The following GLRA2 variants were observed in gnomAD, a reference collection of about 807,000 sequenced individuals.
The protein encoded by GLRA2 is glycine receptor subunit alpha-2.
A neutral mutation model predicts 31.6 loss-of-function variants in GLRA2; 11 were observed. That is an observed-to-expected ratio of 0.35 (90% confidence interval 0.22 to 0.58). GLRA2 has a LOEUF of 0.58. Ranked by LOEUF, GLRA2 falls within the 20% of genes least tolerant of loss-of-function variation. The pLI, the probability that GLRA2 is intolerant of heterozygous loss-of-function variation, is 0.84. For synonymous variants in GLRA2, 132 were observed against 134.0 expected (o/e 0.99, Z 0.10); for missense variants, 212 against 351.8 (o/e 0.60, Z 3.18).
intron 7 of GLRA2, among the ~76,000 whole-genome samples, chrX:14,689,244 A>C (rs999560559): frequency 1.8e-5 from 2 of 112,412 alleles, no homozygotes; most frequent in Admixed American, 9.4e-5. Context: ...ACAAATAATC[A>C]GGGACACAGT....
At chrX:14,687,525 G>C (rs766907146) in intron 7 of GLRA2, among the ~76,000 whole-genome samples, 1 of 110,969 alleles carries the variant, frequency 9.0e-6, no homozygotes, top group Admixed American at 9.6e-5. Flanking sequence ...TTTTCTCTAA[G>C]CTTCTCTTCT....
At chrX:14,669,056 C>T (rs1287188673) in intron 7 of GLRA2, among the ~76,000 whole-genome samples, 1 of 112,255 alleles carries the variant, frequency 8.9e-6, no homozygotes. Context: ...AGGCATTGGG[C>T]AAATACAGCC....
chrX:14,718,643 C>T (rs2091823909), intron 8 of GLRA2, among the ~76,000 whole-genome samples: 2 of 111,951 alleles, frequency 1.8e-5, no homozygotes, highest in South Asian at 7.4e-4. Context: ...TGTTTGTCCA[C>T]ATGTCTGGTG....
the GLRA2 span, among the ~76,000 whole-genome samples, chrX:14,453,881 C>T: frequency 0.05 from 5,611 of 111,596 alleles, 341 homozygotes; most frequent in African/African-American, 0.17. Flanking sequence ...GCAATTGATA[C>T]ACACAACAAC....
the GLRA2 span, among the ~76,000 whole-genome samples, chrX:14,469,436 G>C: frequency 4.6e-5 from 5 of 108,743 alleles, 1 homozygote; most frequent in African/African-American, 1.7e-4. Context: ...CAAAGACTTG[G>C]AACCAACCCA....
chrX:14,544,274 C>T (rs1314570270), intron 2 of GLRA2, among the ~76,000 whole-genome samples: 1 of 111,984 alleles, frequency 8.9e-6, no homozygotes, highest in Non-Finnish European at 1.9e-5. Context: ...TAATCACCTA[C>T]TGTTTTAGTC....
At chrX:14,594,318 CTT>C (rs2090177622) in intron 4 of GLRA2, among the ~76,000 whole-genome samples, 1 of 111,124 alleles carries the variant, frequency 9.0e-6, no homozygotes, top group African/African-American at 3.3e-5. Context: ...TGTACAGTAA[CTT>C]TCTCCCTTTC....
At chrX:14,597,169 A>G (rs2090215679) in intron 4 of GLRA2, among the ~76,000 whole-genome samples, 1 of 111,853 alleles carries the variant, frequency 8.9e-6, no homozygotes, top group Non-Finnish European at 1.9e-5. Flanking sequence ...ATTTCAAGGT[A>G]CAACTGGGAG....
At chrX:14,551,393 C>G (rs1213213725) in intron 2 of GLRA2, among the ~76,000 whole-genome samples, 1 of 111,440 alleles carries the variant, frequency 9.0e-6, no homozygotes, top group African/African-American at 3.3e-5. Flanking sequence ...GATGAATAAT[C>G]AAATGAATGA....
chrX:14,533,176 T>C (rs1227091196), intron 2 of GLRA2, among the ~76,000 whole-genome samples: 1 of 110,738 alleles, frequency 9.0e-6, no homozygotes, highest in African/African-American at 3.3e-5. Context: ...TGATGTTGTC[T>C]TTTTCTTGTA....
chrX:14,700,654 A>G (rs958253175), intron 8 of GLRA2, among the ~76,000 whole-genome samples: 3 of 111,600 alleles, frequency 2.7e-5, no homozygotes, highest in Non-Finnish European at 5.6e-5. Context: ...GGAGGCAGAC[A>G]CAAGATTTTA....
At chrX:14,682,142 A>C (rs903174240) in intron 7 of GLRA2, among the ~76,000 whole-genome samples, 40 of 107,105 alleles carry the variant, frequency 3.7e-4, no homozygotes, top group African/African-American at 1.0e-3. Flanking sequence ...ATGGCCCCTA[A>C]CTCAGATGAG....
intron 4 of GLRA2, among the ~76,000 whole-genome samples, chrX:14,601,012 T>G (rs2090265826): frequency 9.0e-6 from 1 of 110,733 alleles, no homozygotes; most frequent in Non-Finnish European, 1.9e-5. Context: ...TTTTTTTTTT[T>G]GTTTGTTTGT....
chrX:14,495,462 G>T, the GLRA2 span, among the ~76,000 whole-genome samples: 1 of 110,051 alleles, frequency 9.1e-6, no homozygotes, highest in Non-Finnish European at 1.9e-5. Context: ...GCCATGATTA[G>T]TATGAGAGCT....
intron 7 of GLRA2, among the ~76,000 whole-genome samples, chrX:14,673,890 TCTTG>T (rs2091118384): frequency 8.9e-6 from 1 of 112,432 alleles, no homozygotes; most frequent in African/African-American, 3.2e-5. Context: ...TACTGTTGTT[TCTTG>T]CTTGCCAGTC....
At chrX:14,725,083 T>C (rs1039703418) in intron 8 of GLRA2, among the ~76,000 whole-genome samples, 1 of 111,825 alleles carries the variant, frequency 8.9e-6, no homozygotes, top group Non-Finnish European at 1.9e-5. Flanking sequence ...ACTATAACTA[T>C]AGGAAGCCAC....
At chrX:14,452,709 T>G in the GLRA2 span, among the ~76,000 whole-genome samples, 1 of 111,952 alleles carries the variant, frequency 8.9e-6, no homozygotes, top group African/African-American at 3.2e-5. Context: ...GGGGGATTAG[T>G]GTTCGGACAT....
At chrX:14,463,810 T>C in the GLRA2 span, among the ~76,000 whole-genome samples, 1 of 111,903 alleles carries the variant, frequency 8.9e-6, no homozygotes, top group Non-Finnish European at 1.9e-5. Flanking sequence ...GGAAATCCCC[T>C]GACCCCTTGT....
intron 2 of GLRA2, among the ~76,000 whole-genome samples, chrX:14,556,727 A>G (rs1055614021): frequency 8.9e-6 from 1 of 112,073 alleles, no homozygotes; most frequent in Admixed American, 9.4e-5. Context: ...TTGTATTAGA[A>G]AAGGCTTAGT....
Sources: allele counts gnomAD v4.1 joint callset (sites outside exome capture counted in the v4.1 genomes callset), GRCh38; gene constraint gnomAD v4.1.1; transcripts MANE v1.5; gene names NCBI Gene and HGNC (gene_info 2026-07-23, HGNC 2026-07-21).